Variants in CCNY observed in about 807,000 individuals in gnomAD.
CCNY encodes cyclin Y.
Under a neutral mutation model 42.8 loss-of-function variants are expected in CCNY, and 19 were observed. The observed-to-expected ratio is 0.44, with a 90% CI of 0.31 to 0.65. The LOEUF is 0.65. Among genes scored for constraint, CCNY ranks in the 30% least tolerant of loss-of-function variants. The pLI, the probability that CCNY is intolerant of heterozygous loss-of-function variation, is 0.07. For synonymous variants in CCNY, 165 were observed against 162.7 expected, an observed-to-expected ratio of 1.01 and a Z score of -0.11; for missense variants, 370 against 437.3, an observed-to-expected ratio of 0.85 and a Z score of 1.37.
chr10:35,399,111 T>C (rs1837588118), intron 1 of CCNY, among the ~76,000 whole-genome samples: 1 of 152,262 alleles, frequency 6.6e-6, no homozygotes, highest in Non-Finnish European at 1.5e-5. Flanking sequence ...ATGAGCTGAT[T>C]GGGTTTCTCA....
chr10:35,521,837 T>C (rs1232816364), intron 4 of CCNY, among the ~76,000 whole-genome samples: 2 of 152,130 alleles, frequency 1.3e-5, no homozygotes, highest in Non-Finnish European at 2.9e-5. Flanking sequence ...GTTTCCCATC[T>C]TAGGTCCCTT....
At chr10:35,428,579 G>T (rs2135274854) in intron 1 of CCNY, among the ~76,000 whole-genome samples, 1 of 152,224 alleles carries the variant, frequency 6.6e-6, no homozygotes, top group Middle Eastern at 3.4e-3. Context: ...CCATTGAAGG[G>T]GTTTAAGCAA....
chr10:35,407,212 T>C (rs2135240360), intron 1 of CCNY, among the ~76,000 whole-genome samples: 1 of 152,136 alleles, frequency 6.6e-6, no homozygotes, highest in African/African-American at 2.4e-5. Context: ...GGAACGAAAC[T>C]GTAAACCAGA....
chr10:35,416,416 T>A (rs1838027590), intron 1 of CCNY, among the ~76,000 whole-genome samples: 1 of 152,048 alleles, frequency 6.6e-6, no homozygotes, highest in Admixed American at 6.6e-5. Context: ...CTGGGCAACA[T>A]AGTGGGACAC....
At chr10:35,357,407 C>T (rs539668023) in intron 1 of CCNY, among the ~76,000 whole-genome samples, 2 of 152,286 alleles carry the variant, frequency 1.3e-5, no homozygotes, top group African/African-American at 2.4e-5. Context: ...AGGAAATACT[C>T]GAATGAATAG....
intron 8 of CCNY, 28 bp downstream of exon 8, chr10:35,553,213 C>G: frequency 6.2e-7 from 1 of 1,609,652 alleles, no homozygotes; most frequent in Non-Finnish European, 8.5e-7. Context: ...GGGTGTTGGT[C>G]ATCAGAGTCT....
At chr10:35,408,834 T>A (rs1016893789) in intron 1 of CCNY, among the ~76,000 whole-genome samples, 15 of 152,076 alleles carry the variant, frequency 9.9e-5, no homozygotes, top group Non-Finnish European at 2.2e-4. Context: ...ATGTTGAAGA[T>A]GGGGTAAGCA....
intron 3 of CCNY, among the ~76,000 whole-genome samples, chr10:35,510,915 G>A (rs1315415443): frequency 1.3e-5 from 2 of 152,228 alleles, no homozygotes. Flanking sequence ...ACTCGTCAGT[G>A]GCAGAGCTGC....
At chr10:35,552,831 T>C (rs1841287421) in intron 7 of CCNY, among the ~76,000 whole-genome samples, 188 bp from the exon 8 acceptor site, 1 of 152,204 alleles carries the variant, frequency 6.6e-6, no homozygotes, top group Non-Finnish European at 1.5e-5. Context: ...TGTCCACTAA[T>C]GGAGTGGGAC....
intron 1 of CCNY, among the ~76,000 whole-genome samples, chr10:35,422,406 G>A (rs1285799796): frequency 6.6e-6 from 1 of 152,206 alleles, no homozygotes; most frequent in African/African-American, 2.4e-5. Context: ...ATGACTGATT[G>A]TGTGGCCTTG....
chr10:35,442,868 AG>A (rs1450136495), intron 1 of CCNY, among the ~76,000 whole-genome samples: 1 of 152,192 alleles, frequency 6.6e-6, no homozygotes, highest in Non-Finnish European at 1.5e-5. Context: ...AACATGAGAG[AG>A]TGTACTTACC....
At chr10:35,534,195 T>G (rs956368937) in intron 7 of CCNY, among the ~76,000 whole-genome samples, 1 of 152,036 alleles carries the variant, frequency 6.6e-6, no homozygotes, top group Non-Finnish European at 1.5e-5. Flanking sequence ...CTAATTTTTC[T>G]TGAATTTTTA....
intron 1 of CCNY, among the ~76,000 whole-genome samples, chr10:35,376,264 A>G (rs1356493450): frequency 2.6e-5 from 4 of 152,254 alleles, no homozygotes; most frequent in South Asian, 4.1e-4. Context: ...TAGTTCATCA[A>G]AAAGTTAAAC....
At chr10:35,443,476 A>C (rs1010254250) in intron 1 of CCNY, among the ~76,000 whole-genome samples, 7 of 152,140 alleles carry the variant, frequency 4.6e-5, no homozygotes, top group Non-Finnish European at 1.0e-4. Flanking sequence ...ACAAACACAC[A>C]CATTAGCCAG....
intron 1 of CCNY, among the ~76,000 whole-genome samples, chr10:35,392,888 T>G (rs1837443789): frequency 6.6e-6 from 1 of 152,164 alleles, no homozygotes; most frequent in Non-Finnish European, 1.5e-5. Flanking sequence ...GAGTCCTCTT[T>G]TTGACTAGGC....
intron 3 of CCNY, among the ~76,000 whole-genome samples, chr10:35,269,224 C>G (rs572619248): frequency 6.6e-6 from 1 of 152,282 alleles, no homozygotes; most frequent in African/African-American, 2.4e-5. Context: ...AGCAGCCATG[C>G]GGCACACTGA....
At chr10:35,462,606 T>G (rs1839180367) in intron 1 of CCNY, among the ~76,000 whole-genome samples, 1 of 152,238 alleles carries the variant, frequency 6.6e-6, no homozygotes, top group Admixed American at 6.5e-5. Context: ...AGGACCTGTC[T>G]TATTTGCTTA....
intron 1 of CCNY, among the ~76,000 whole-genome samples, chr10:35,412,586 C>A (rs1837931204): frequency 6.6e-6 from 1 of 151,400 alleles, no homozygotes; most frequent in African/African-American, 2.4e-5. Flanking sequence ...CGCTGTGGCT[C>A]ATGTCTGTAA....
chr10:35,553,553 C>G (rs1194100677), intron 8 of CCNY, among the ~76,000 whole-genome samples: 1 of 152,108 alleles, frequency 6.6e-6, no homozygotes, highest in Non-Finnish European at 1.5e-5. Context: ...GAGGTAATGC[C>G]GCCATACAGT....
Sources: gnomAD v4.1 joint callset for allele counts (sites outside exome capture counted in the v4.1 genomes callset) on GRCh38, gnomAD v4.1.1 for gene constraint, MANE v1.5 for transcripts, NCBI Gene and HGNC (gene_info 2026-07-23, HGNC 2026-07-21) for gene names.